The following STAT4 variants were observed in gnomAD, a reference collection of about 807,000 sequenced individuals.
The protein encoded by STAT4 is signal transducer and activator of transcription 4.
STAT4 carries 42 observed loss-of-function variants against 110.5 expected under a neutral mutation model. The observed-to-expected ratio is 0.38, with a 90% CI of 0.30 to 0.49. STAT4 has a LOEUF of 0.49. Among genes scored for constraint, STAT4 ranks in the 20% least tolerant of loss-of-function variants. The pLI, the probability that STAT4 is intolerant of heterozygous loss-of-function variation, is 0.95. For synonymous variants in STAT4, 284 were observed against 302.2 expected (o/e 0.94, Z 0.63); for missense variants, 632 against 887.9 (o/e 0.71, Z 3.66).
chr2:191,136,629 G>A (rs1056609809), intron 3 of STAT4, among the ~76,000 whole-genome samples: 1 of 152,268 alleles, frequency 6.6e-6, no homozygotes, highest in South Asian at 2.1e-4. Flanking sequence ...GCATGTGCCT[G>A]TATCCCAGCT....
Position 191,037,710 on chromosome 2 carries a change from G to A in STAT4, c.1435-1411C>T, listed in dbSNP as rs958893094. On this transcript the variant is annotated intron_variant, in intron 16 of 23. Transcript: ENST00000392320. The surrounding 1 kb of genome is among the most constrained non-coding windows in gnomAD (Gnocchi z 4.8). ...CAATTCAAGAGATTTCAGAAGGTGG[G>A]AATGAAAGAGGACACAGCATCCAAC... Among the ~76,000 whole-genome samples, 4 of 152,192 alleles carry A rather than the reference G, an allele frequency of 2.6e-5. No individual in the cohort carries two copies. Among genetic ancestry groups the A allele is most frequent in the Non-Finnish European group, 5.9e-5 (4 of 68,032 alleles).
At chr2:191,133,984 G>A (rs995485072) in intron 3 of STAT4, among the ~76,000 whole-genome samples, 25 of 152,206 alleles carry the variant, frequency 1.6e-4, no homozygotes, top group Non-Finnish European at 3.1e-4. Flanking sequence ...ATTGCCAAGT[G>A]AAAGAAGCCA....
intron 3 of STAT4, among the ~76,000 whole-genome samples, chr2:191,132,514 T>G (rs1699063919): frequency 6.6e-6 from 1 of 151,706 alleles, no homozygotes; most frequent in African/African-American, 2.4e-5. Flanking sequence ...GAAGTGGTGA[T>G]GAGCACTGAA....
At chr2:191,149,247 A>G (rs1699532439) in intron 1 of STAT4, among the ~76,000 whole-genome samples, 1 of 152,222 alleles carries the variant, frequency 6.6e-6, no homozygotes, top group African/African-American at 2.4e-5. Flanking sequence ...TTGCCTATAG[A>G]ACACCAGGGT....
At position 191,043,317 on chromosome 2, in the gene STAT4, G is replaced by A. The variant is rs1309827850; in HGVS notation, c.1252-2169C>T. 2.6e-5 allele frequency among the ~76,000 whole-genome samples: 4 copies of A among 151,636 alleles called. 1 individual carries two copies. The highest frequency in any genetic ancestry group is 5.9e-5 in the Non-Finnish European group (4 of 67,924). ...ACAAACAAAAAAATCCCACAAAGACGTCAAAAATAGAATAGAAAAGATAGC... is the reference window on the plus strand; with the variant it reads ...ACAAACAAAAAAATCCCACAAAGACATCAAAAATAGAATAGAAAAGATAGC... On this transcript the variant is annotated intron_variant, in intron 14 of 23. Transcript: ENST00000392320. This position sits in a 1 kb window ranked among gnomAD's most constrained non-coding sequence, Gnocchi z 4.8.
At chr2:191,106,821 G>A (rs1038063561) in intron 3 of STAT4, among the ~76,000 whole-genome samples, 3 of 152,116 alleles carry the variant, frequency 2.0e-5, no homozygotes, top group Non-Finnish European at 4.4e-5. Flanking sequence ...CTGTAAAAGT[G>A]CGACCTATTA....
intron 3 of STAT4, among the ~76,000 whole-genome samples, chr2:191,103,946 C>T (rs1363320283): frequency 2.0e-5 from 3 of 152,118 alleles, no homozygotes; most frequent in Non-Finnish European, 4.4e-5. Flanking sequence ...TCACCCTGGT[C>T]TTTAAAAATA....
At chr2:191,056,991 C>CA (rs1463201153) in intron 13 of STAT4, among the ~76,000 whole-genome samples, 1 of 152,146 alleles carries the variant, frequency 6.6e-6, no homozygotes, top group Non-Finnish European at 1.5e-5. Flanking sequence ...CCATGTTGGC[C>CA]AGGCTGGTCT....
At chr2:191,072,035 C>T (rs534909342) in intron 5 of STAT4, among the ~76,000 whole-genome samples, 55 of 152,212 alleles carry the variant, frequency 3.6e-4, no homozygotes, top group Middle Eastern at 3.4e-3. Context: ...AAAGTCTCCC[C>T]GTAGAGTCAA....
At position 191,058,286 on chromosome 2, in the gene STAT4, GTTTAT is replaced by G; in HGVS notation, c.1095-72_1095-68del. The G allele has an allele frequency of 7.0e-7, 1 of 1,421,300 alleles. No homozygotes were observed. Among genetic ancestry groups the G allele is most frequent in the Non-Finnish European group, 9.7e-7 (1 of 1,036,070 alleles). 88.0% of individuals were successfully genotyped at this position (1,421,300 alleles called of 1,614,324 possible). A position where few individuals can be genotyped will look rare whatever the true frequency, so the allele number is the denominator to read the frequency against. ...GATCTAGGAATAACTTTCTATGATA[GTTTAT>G]TTTATTTATTTATTTATTTATTTTG... On this transcript the variant is annotated intron_variant, in intron 11 of 23. Coordinates refer to ENST00000392320, the MANE Select transcript of STAT4 (RefSeq NM_003151.4). The surrounding 1 kb of genome is among the most constrained non-coding windows in gnomAD (Gnocchi z 4.3).
intron 3 of STAT4, among the ~76,000 whole-genome samples, chr2:191,094,628 G>A (rs920948297): frequency 1.3e-5 from 2 of 152,138 alleles, no homozygotes; most frequent in African/African-American, 2.4e-5. Context: ...ACCAGCCAAT[G>A]CAAAAACATG....
rs560954850 is a variant in STAT4, at chr2:191,127,774, G to A, written c.273+18839C>T. On this transcript the variant is annotated intron_variant, in intron 3 of 23. Coordinates refer to ENST00000392320, the MANE Select transcript of STAT4 (RefSeq NM_003151.4). Reference sequence around the variant, plus strand: ...CACAAAGTAATTATTGCATAAAGAAGCCCCATACTCTGGCATCCACTTTAC... The same window carrying A: ...CACAAAGTAATTATTGCATAAAGAAACCCCATACTCTGGCATCCACTTTAC... 2.6e-5 allele frequency among the ~76,000 whole-genome samples: 4 copies of A among 152,278 alleles called. No homozygotes were observed. In the South Asian group the frequency reaches 8.3e-4, roughly 32 times the overall value.
At chr2:191,098,980 T>C (rs1034190424) in intron 3 of STAT4, among the ~76,000 whole-genome samples, 6 of 151,512 alleles carry the variant, frequency 4.0e-5, no homozygotes, top group African/African-American at 1.5e-4. Flanking sequence ...ATATATAAAA[T>C]ATTCTTTTAA....
intron 3 of STAT4, among the ~76,000 whole-genome samples, chr2:191,080,470 A>G (rs1292994325): frequency 6.6e-6 from 1 of 152,174 alleles, no homozygotes; most frequent in East Asian, 1.9e-4. Context: ...ATATTTCTGT[A>G]GAGTGTGCAC....
In STAT4 at chr2:191,099,742, T is replaced by C. The variant is rs556100136; in HGVS notation, c.274-23417A>G. Among the ~76,000 whole-genome samples, 1 of 152,262 alleles carries C rather than the reference T, an allele frequency of 6.6e-6. No individual in the cohort carries two copies. Among genetic ancestry groups the C allele is most frequent in the African/African-American group, 2.4e-5 (1 of 41,572 alleles). On this transcript the variant is annotated intron_variant, in intron 3 of 23. Coordinates refer to ENST00000392320, the MANE Select transcript of STAT4 (RefSeq NM_003151.4). This position sits in a 1 kb window ranked among gnomAD's most constrained non-coding sequence, Gnocchi z 4.1. ...GGAAAGGTTCACACTTGACTGTTAA[T>C]ACGGATGTCTTTGAAGGTAGTGGTG...
chr2:191,061,446 A>T lies in STAT4; in HGVS notation c.1034+283T>A, dbSNP rs996665661. Among the ~76,000 whole-genome samples, 3 of 152,132 alleles carry T rather than the reference A, an allele frequency of 2.0e-5. No homozygotes were observed. Among genetic ancestry groups the T allele is most frequent in the African/African-American group, 7.2e-5 (3 of 41,422 alleles). ...CTCCCAATCTCTCCAGTCTTTTCTC[A>T]AGTCAACCTTTTCAGCAATTAATTT... On this transcript the variant is annotated intron_variant, in intron 10 of 23. Coordinates refer to ENST00000392320, the MANE Select transcript of STAT4 (RefSeq NM_003151.4). The surrounding 1 kb of genome is among the most constrained non-coding windows in gnomAD (Gnocchi z 6.2).
intron 3 of STAT4, among the ~76,000 whole-genome samples, chr2:191,080,906 A>G (rs1306639996): frequency 6.6e-6 from 1 of 152,132 alleles, no homozygotes; most frequent in Non-Finnish European, 1.5e-5. Flanking sequence ...GGTTTGTTAC[A>G]TAGGTATACA....
intron 14 of STAT4, among the ~76,000 whole-genome samples, chr2:191,049,712 T>G (rs1228396152): frequency 6.6e-6 from 1 of 152,038 alleles, no homozygotes; most frequent in Non-Finnish European, 1.5e-5. Context: ...TGGGAAACAA[T>G]AAGAAGAGAG....
chr2:191,109,675 C>T (rs534391305), intron 3 of STAT4, among the ~76,000 whole-genome samples: 7 of 152,158 alleles, frequency 4.6e-5, no homozygotes, highest in Non-Finnish European at 7.4e-5. Context: ...AATGATCCTT[C>T]CTTAATGTTT....
Sources: allele counts gnomAD v4.1 joint callset (sites outside exome capture counted in the v4.1 genomes callset), GRCh38; gene constraint gnomAD v4.1.1; non-coding constraint Gnocchi (gnomAD v3.1); transcripts MANE v1.5; gene names NCBI Gene and HGNC (gene_info 2026-07-23, HGNC 2026-07-21).